ST8SIA5: variants seen among roughly 807,000 people sequenced by gnomAD.
The protein encoded by ST8SIA5 is ST8 alpha-N-acetyl-neuraminide alpha-2,8-sialyltransferase 5.
Under a neutral mutation model 40.2 loss-of-function variants are expected in ST8SIA5, and 24 were observed. The ratio of observed to expected loss-of-function variants is 0.60; its 90% CI spans 0.43 to 0.84. The LOEUF (loss-of-function observed/expected upper bound fraction) is 0.84, where lower values mean the gene tolerates loss of function less well. Among genes scored for constraint, ST8SIA5 ranks in the 40% least tolerant of loss-of-function variants. ST8SIA5 has a pLI of 0.00. For synonymous variants in ST8SIA5, 198 were observed against 201.8 expected, an observed-to-expected ratio of 0.98 and a Z score of 0.16; for missense variants, 465 against 498.5, an observed-to-expected ratio of 0.93 and a Z score of 0.64.
chr18:46,688,671 G>A, intron 4 of ST8SIA5, 104 bp downstream of exon 4: 2 of 1,423,602 alleles, frequency 1.4e-6, no homozygotes, highest in Non-Finnish European at 1.9e-6. Context: ...TGAGTCCAGA[G>A]GACCGTGAGT....
intron 4 of ST8SIA5, among the ~76,000 whole-genome samples, chr18:46,686,918 G>A (rs1312164703): frequency 6.6e-6 from 1 of 152,076 alleles, no homozygotes; most frequent in East Asian, 1.9e-4. Flanking sequence ...AATTACCTGG[G>A]ATACTTTCTG....
At chr18:46,754,049 T>C (rs1182076393) in intron 1 of ST8SIA5, among the ~76,000 whole-genome samples, 1 of 152,096 alleles carries the variant, frequency 6.6e-6, no homozygotes, top group African/African-American at 2.4e-5. Context: ...GGAGACAGAC[T>C]GATGATAATC....
intron 1 of ST8SIA5, among the ~76,000 whole-genome samples, chr18:46,737,953 TAG>T (rs1157568384): frequency 6.6e-6 from 1 of 152,004 alleles, no homozygotes; most frequent in Admixed American, 6.6e-5. Flanking sequence ...GTATTTTTAG[TAG>T]AGATAGGATT....
chr18:46,696,242 C>T (rs1362908243), intron 2 of ST8SIA5, among the ~76,000 whole-genome samples: 2 of 152,188 alleles, frequency 1.3e-5, no homozygotes, highest in Non-Finnish European at 2.9e-5. Flanking sequence ...CAAACCTCCC[C>T]TCTCAGGACC....
At position 46,668,559 on chromosome 18, in the gene ST8SIA5, C is replaced by T. The variant is rs1184412281; in HGVS notation, c.*11483G>A. On this transcript the variant is annotated 3_prime_UTR_variant, in exon 7 of 7. Coordinates refer to ENST00000315087, the MANE Select transcript of ST8SIA5 (RefSeq NM_013305.6). ...ATTGGTTCCAAACTGTACCATTGAACAATCCATTGTATGCTTATTGAGATA... is the reference window on the plus strand; with the variant it reads ...ATTGGTTCCAAACTGTACCATTGAATAATCCATTGTATGCTTATTGAGATA... 1 of 152,484 alleles carries T rather than the reference C, an allele frequency of 6.6e-6. No individual in the cohort carries two copies. The highest frequency in any genetic ancestry group is 1.5e-5 in the Non-Finnish European group (1 of 68,094). The allele number at this position is 152,484 out of a possible 1,614,324, so 9.4% of individuals were successfully genotyped here.
intron 4 of ST8SIA5, among the ~76,000 whole-genome samples, chr18:46,686,816 C>CAAAAA (rs752731256): frequency 0.029 from 3,527 of 120,590 alleles, 176 homozygotes; most frequent in African/African-American, 0.11. Flanking sequence ...CAGAGAAAGG[C>CAAAAA]AAAAAAAAAA....
chr18:46,742,091 G>T (rs1259550188), intron 1 of ST8SIA5, among the ~76,000 whole-genome samples: 2 of 150,362 alleles, frequency 1.3e-5, no homozygotes, highest in Non-Finnish European at 3.0e-5. Flanking sequence ...CCAGAGCGAC[G>T]CTCCATGTAA....
intron 1 of ST8SIA5, among the ~76,000 whole-genome samples, chr18:46,710,044 C>T (rs531900852): frequency 1.7e-4 from 26 of 152,260 alleles, no homozygotes; most frequent in South Asian, 8.3e-4. Context: ...CTATCTTTAC[C>T]CACATCAAAG....
intron 1 of ST8SIA5, among the ~76,000 whole-genome samples, chr18:46,747,086 C>T (rs1206946429): frequency 2.0e-5 from 3 of 152,192 alleles, no homozygotes; most frequent in African/African-American, 7.2e-5. Context: ...GGATTAAAGA[C>T]TTAAATGTTA....
At chr18:46,729,327 C>T (rs2039963252) in intron 1 of ST8SIA5, among the ~76,000 whole-genome samples, 2 of 151,832 alleles carry the variant, frequency 1.3e-5, no homozygotes, top group Non-Finnish European at 2.9e-5. Flanking sequence ...AAACTGAGCC[C>T]CAAATTGTCT....
At chr18:46,714,683 G>C (rs181218201) in intron 1 of ST8SIA5, among the ~76,000 whole-genome samples, 101 of 152,276 alleles carry the variant, frequency 6.6e-4, no homozygotes, top group African/African-American at 2.2e-3. Flanking sequence ...GACTGAGCAG[G>C]GGGGGAAGAG....
At chr18:46,710,048 A>C (rs73433069) in intron 1 of ST8SIA5, among the ~76,000 whole-genome samples, 11,034 of 152,162 alleles carry the variant, frequency 0.073, 990 homozygotes, top group East Asian at 0.42. Context: ...CTTTACCCAC[A>C]TCAAAGGGGA....
chr18:46,721,674 C>A (rs889599980), intron 1 of ST8SIA5, among the ~76,000 whole-genome samples: 1 of 152,218 alleles, frequency 6.6e-6, no homozygotes, highest in African/African-American at 2.4e-5. Context: ...CTGCATCTAT[C>A]CCCTCATTCC....
rs952669517 is a variant in ST8SIA5 at position 46,673,106 on chromosome 18, A to C, written c.*6936T>G. 3 of 152,164 alleles carry C rather than the reference A, an allele frequency of 2.0e-5. No homozygotes were observed. The highest frequency in any genetic ancestry group is 4.4e-5 in the Non-Finnish European group (3 of 68,032). The allele number at this position is 152,164 out of a possible 1,614,324, so 9.4% of individuals were successfully genotyped here. A position where few individuals can be genotyped will look rare whatever the true frequency, so the allele number is the denominator to read the frequency against. On this transcript the variant is annotated 3_prime_UTR_variant, in exon 7 of 7. Coordinates refer to ENST00000315087, the MANE Select transcript of ST8SIA5 (RefSeq NM_013305.6). Reference sequence around the variant, plus strand: ...GAAGACTTGTCATTTAATGGGTTTAAAGTTTTCATTTTGCAAGATGAGAAG... The same window carrying C: ...GAAGACTTGTCATTTAATGGGTTTACAGTTTTCATTTTGCAAGATGAGAAG...
In ST8SIA5 at chr18:46,729,676, G is replaced by A. The variant is rs538476626; in HGVS notation, c.132-25012C>T. On this transcript the variant is annotated intron_variant, in intron 1 of 6. Transcript: ENST00000315087. Reference sequence around the variant, plus strand: ...AGGGGTATGACTTGAAGGCCCACAGGGGCTGTCCCCTGTCCCTAAAGTATC... The same window carrying A: ...AGGGGTATGACTTGAAGGCCCACAGAGGCTGTCCCCTGTCCCTAAAGTATC... Among the ~76,000 whole-genome samples, 13 of 152,326 alleles carry A rather than the reference G, an allele frequency of 8.5e-5. No homozygotes were observed. The East Asian group carries it at 2.3e-3, about 27-fold the overall frequency.
chr18:46,668,458 G>A lies in ST8SIA5; in HGVS notation c.*11584C>T, dbSNP rs1489590666. 1 of 152,578 alleles carries A rather than the reference G, an allele frequency of 6.6e-6. No individual in the cohort carries two copies. The highest frequency in any genetic ancestry group is 2.4e-5 in the African/African-American group (1 of 41,442). 9.5% of individuals were successfully genotyped at this position (152,578 alleles called of 1,614,324 possible). A position where few individuals can be genotyped will look rare whatever the true frequency, so the allele number is the denominator to read the frequency against. On this transcript the variant is annotated 3_prime_UTR_variant, in exon 7 of 7. Coordinates refer to ENST00000315087, the MANE Select transcript of ST8SIA5 (RefSeq NM_013305.6). ...CACAGCCACAGGCACCTGGCTCCAG[G>A]GCAAAAGGTTTCCACAGCTCCCATG...
At chr18:46,704,469 A>T in intron 2 of ST8SIA5, 103 bp downstream of exon 2, 2 of 1,014,818 alleles carry the variant, frequency 2.0e-6, no homozygotes, top group Non-Finnish European at 3.1e-6. Flanking sequence ...GGAACCTACC[A>T]TGTGTTTCCT....
chr18:46,714,940 C>T (rs1443227186), intron 1 of ST8SIA5, among the ~76,000 whole-genome samples: 3 of 152,144 alleles, frequency 2.0e-5, no homozygotes, highest in Non-Finnish European at 2.9e-5. Flanking sequence ...CTGGAGCAAC[C>T]CTGACTTAAG....
chr18:46,714,886 C>G (rs2039771146), intron 1 of ST8SIA5, among the ~76,000 whole-genome samples: 1 of 152,130 alleles, frequency 6.6e-6, no homozygotes. Context: ...CCAGGAGACT[C>G]CACAGAGACT....
Sources: gnomAD v4.1 joint callset for allele counts (sites outside exome capture counted in the v4.1 genomes callset) on GRCh38, gnomAD v4.1.1 for gene constraint, MANE v1.5 for transcripts, NCBI Gene and HGNC (gene_info 2026-07-23, HGNC 2026-07-21) for gene names.